Variants in SH3RF3 observed in about 807,000 individuals in gnomAD.
SH3RF3 encodes the protein E3 ubiquitin-protein ligase SH3RF3.
A neutral mutation model predicts 66.3 loss-of-function variants in SH3RF3; 29 were observed. The ratio of observed to expected loss-of-function variants is 0.44; its 90% CI spans 0.33 to 0.60. The LOEUF (loss-of-function observed/expected upper bound fraction) is 0.60, where lower values mean the gene tolerates loss of function less well. SH3RF3 is among the 20% of genes least tolerant of loss of function. The pLI is 0.04. For synonymous variants in SH3RF3, 583 were observed against 532.0 expected, an observed-to-expected ratio of 1.10 and a Z score of -1.32; for missense variants, 1,194 against 1,190.9, an observed-to-expected ratio of 1.00 and a Z score of -0.04.
chr2:109,467,435 G>A (rs948806714), intron 8 of SH3RF3, among the ~76,000 whole-genome samples: 3 of 152,232 alleles, frequency 2.0e-5, no homozygotes, highest in African/African-American at 7.2e-5. Flanking sequence ...GCACACCCAT[G>A]TTTAGTGACA....
intron 1 of SH3RF3, among the ~76,000 whole-genome samples, chr2:109,152,782 G>C (rs943000987): frequency 6.6e-6 from 1 of 152,174 alleles, no homozygotes; most frequent in Admixed American, 6.5e-5. Flanking sequence ...TCCCAGGCCC[G>C]ATGGCCTGAT....
At chr2:109,434,196 C>A (rs536337109) in intron 6 of SH3RF3, among the ~76,000 whole-genome samples, 1 of 152,236 alleles carries the variant, frequency 6.6e-6, no homozygotes, top group African/African-American at 2.4e-5. Flanking sequence ...TCCAGGAAGG[C>A]GCAGCCTGAG....
chr2:109,370,023 G>C (rs184478699), intron 2 of SH3RF3, among the ~76,000 whole-genome samples: 153 of 152,324 alleles, frequency 1.0e-3, no homozygotes, highest in African/African-American at 3.2e-3. Flanking sequence ...ACATGGGCCA[G>C]CTGGTCTAGC....
At chr2:109,207,609 A>G (rs1464274604) in intron 1 of SH3RF3, among the ~76,000 whole-genome samples, 1 of 152,206 alleles carries the variant, frequency 6.6e-6, no homozygotes, top group Non-Finnish European at 1.5e-5. Flanking sequence ...TAAAGATGCA[A>G]TGGAGCCCTA....
At chr2:109,453,814 C>A (rs1437040962) in intron 8 of SH3RF3, among the ~76,000 whole-genome samples, 1 of 152,192 alleles carries the variant, frequency 6.6e-6, no homozygotes, top group Non-Finnish European at 1.5e-5. Flanking sequence ...CCGACAAAGG[C>A]GCCTGGTCAG....
At chr2:109,277,922 C>T (rs1182005575) in intron 1 of SH3RF3, among the ~76,000 whole-genome samples, 2 of 151,776 alleles carry the variant, frequency 1.3e-5, no homozygotes, top group African/African-American at 4.8e-5. Context: ...CGCCTATAAT[C>T]CCAACATTTT....
intron 1 of SH3RF3, among the ~76,000 whole-genome samples, chr2:109,282,942 C>A (rs1179081857): frequency 6.6e-6 from 1 of 152,088 alleles, no homozygotes; most frequent in Non-Finnish European, 1.5e-5. Flanking sequence ...CCAATGGTGG[C>A]ATTGGGGCTG....
At chr2:109,368,708 T>TAA (rs372666198) in intron 2 of SH3RF3, among the ~76,000 whole-genome samples, 1,425 of 136,790 alleles carry the variant, frequency 0.01, 20 homozygotes, top group African/African-American at 0.035. Context: ...GTATTTTCTT[T>TAA]AAAAAAAAAA....
chr2:109,131,346 G>A (rs1299936950), intron 1 of SH3RF3, among the ~76,000 whole-genome samples: 4 of 152,066 alleles, frequency 2.6e-5, no homozygotes, highest in Non-Finnish European at 5.9e-5. Context: ...TTTTTCTTTG[G>A]TTTTAATTGT....
chr2:109,162,292 C>T (rs889743666), intron 1 of SH3RF3, among the ~76,000 whole-genome samples: 6 of 152,174 alleles, frequency 3.9e-5, no homozygotes, highest in South Asian at 2.1e-4. Flanking sequence ...TCCTAAAAGG[C>T]GCTGGTGTAA....
At chr2:109,137,499 A>T (rs929953953) in intron 1 of SH3RF3, among the ~76,000 whole-genome samples, 3 of 152,220 alleles carry the variant, frequency 2.0e-5, no homozygotes, top group African/African-American at 4.8e-5. Flanking sequence ...AGGACGATGG[A>T]GGTCAGGAGT....
At chr2:109,282,085 C>T (rs958195886) in intron 1 of SH3RF3, among the ~76,000 whole-genome samples, 26 of 152,066 alleles carry the variant, frequency 1.7e-4, no homozygotes, top group African/African-American at 6.0e-4. Flanking sequence ...CATGGCGAAG[C>T]CTGTCTCTAG....
intron 1 of SH3RF3, among the ~76,000 whole-genome samples, chr2:109,209,637 C>T (rs557363275): frequency 1.3e-5 from 2 of 152,160 alleles, no homozygotes; most frequent in South Asian, 2.1e-4. Context: ...AAGGGAGAAA[C>T]GCTGTGAATC....
intron 2 of SH3RF3, among the ~76,000 whole-genome samples, chr2:109,358,431 G>A (rs1682994457): frequency 6.6e-6 from 1 of 152,228 alleles, no homozygotes; most frequent in Non-Finnish European, 1.5e-5. Context: ...GTGATTACTA[G>A]TTTGCATGGT....
Position 109,428,495 on chromosome 2 carries a change from G to A in SH3RF3, c.1404-4006G>A, listed in dbSNP as rs567796513. Among the ~76,000 whole-genome samples the A allele has an allele frequency of 1.5e-4, 23 of 152,328 alleles. No individual in the cohort carries two copies. In the South Asian group the frequency reaches 4.1e-3, roughly 27 times the overall value. Reference sequence around the variant, plus strand: ...CGCCAGCCTATCTTGTCTGTGCACCGTCCCGGGTGTGGTGAGCCCCTGGCC... The same window carrying A: ...CGCCAGCCTATCTTGTCTGTGCACCATCCCGGGTGTGGTGAGCCCCTGGCC... On this transcript the variant is annotated intron_variant, in intron 5 of 9. Coordinates refer to ENST00000309415, the MANE Select transcript of SH3RF3 (RefSeq NM_001099289.3).
chr2:109,348,719 T>G (rs1682771076), intron 2 of SH3RF3, among the ~76,000 whole-genome samples: 1 of 152,154 alleles, frequency 6.6e-6, no homozygotes, highest in African/African-American at 2.4e-5. Context: ...TTATCCAGGC[T>G]GCTTGCTGGG....
intron 3 of SH3RF3, among the ~76,000 whole-genome samples, chr2:109,377,606 T>C (rs187802936): frequency 6.6e-6 from 1 of 152,190 alleles, no homozygotes; most frequent in East Asian, 1.9e-4. Flanking sequence ...CTGGAAAAAA[T>C]AATGGCAGCC....
chr2:109,460,549 A>G (rs1678183513), intron 8 of SH3RF3, among the ~76,000 whole-genome samples: 1 of 152,186 alleles, frequency 6.6e-6, no homozygotes, highest in Admixed American at 6.5e-5. Flanking sequence ...TGGCTGAGGA[A>G]AGAGGCTCAG....
At chr2:109,288,815 C>CTTTTTTTTTTTTTT (rs1559003628) in intron 1 of SH3RF3, among the ~76,000 whole-genome samples, 1 of 152,138 alleles carries the variant, frequency 6.6e-6, no homozygotes, top group African/African-American at 2.4e-5. Flanking sequence ...AAATCACTTT[C>CTTTTTTTTTTTTTT]TTATTTAGTA....
Sources: allele counts gnomAD v4.1 joint callset (sites outside exome capture counted in the v4.1 genomes callset), GRCh38; gene constraint gnomAD v4.1.1; transcripts MANE v1.5; gene names NCBI Gene and HGNC (gene_info 2026-07-23, HGNC 2026-07-21).